GRIN3A: variants seen among roughly 807,000 people sequenced by gnomAD.
GRIN3A encodes the protein glutamate ionotropic receptor NMDA type subunit 3A.
Under a neutral mutation model 92.4 loss-of-function variants are expected in GRIN3A, and 47 were observed. That is an observed-to-expected ratio of 0.51 (90% confidence interval 0.40 to 0.65). The LOEUF (loss-of-function observed/expected upper bound fraction) is 0.65. Ranked by LOEUF, GRIN3A falls within the 30% of genes least tolerant of loss-of-function variation. The pLI is 0.00. For missense variants in GRIN3A, 1,324 were observed against 1,393.1 expected, an observed-to-expected ratio of 0.95 and a Z score of 0.79; for synonymous variants, 527 against 540.6, an observed-to-expected ratio of 0.97 and a Z score of 0.35.
At chr9:101,679,473 G>A (rs74887116) in intron 2 of GRIN3A, among the ~76,000 whole-genome samples, 4 of 151,976 alleles carry the variant, frequency 2.6e-5, no homozygotes, top group African/African-American at 4.8e-5. Context: ...CCCCGACCCC[G>A]CCCCGCAGTG....
At chr9:101,593,059 T>C (rs1409624736) in intron 6 of GRIN3A, 2 of 152,256 alleles carry the variant, frequency 1.3e-5, no homozygotes, top group Non-Finnish European at 2.9e-5. Context: ...CAATAGTATG[T>C]GGGACACCTC....
At chr9:101,623,533 C>T (rs1828586985) in intron 4 of GRIN3A, 100 bp from the exon 5 acceptor site, 1 of 804,222 alleles carries the variant, frequency 1.2e-6, no homozygotes, top group Admixed American at 1.9e-5. Context: ...AGAACCCGAA[C>T]ACTAAGGGCC....
At chr9:101,607,085 A>G (rs959242504) in intron 6 of GRIN3A, among the ~76,000 whole-genome samples, 1 of 151,698 alleles carries the variant, frequency 6.6e-6, no homozygotes, top group Admixed American at 6.6e-5. Context: ...AAATTGCCAG[A>G]GTCTGGTCGG....
chr9:101,723,033 C>T (rs1202745253), intron 1 of GRIN3A, among the ~76,000 whole-genome samples: 1 of 152,146 alleles, frequency 6.6e-6, no homozygotes, highest in Admixed American at 6.5e-5. Flanking sequence ...TGAATTGTAT[C>T]TTCCTGGATT....
intron 3 of GRIN3A, among the ~76,000 whole-genome samples, chr9:101,647,117 TA>T (rs1419373302): frequency 6.6e-6 from 1 of 152,058 alleles, no homozygotes; most frequent in Non-Finnish European, 1.5e-5. Flanking sequence ...TTCAGTATGA[TA>T]CTAGCTGCGA....
In GRIN3A at chr9:101,737,502, C is replaced by G. The variant is rs142779054; in HGVS notation, c.478G>C (p.Asp160His). The G allele has an allele frequency of 1.9e-6, 3 of 1,614,134 alleles. No individual in the cohort carries two copies. The highest frequency in any genetic ancestry group is 3.3e-5 in the Admixed American group (2 of 60,018). The change falls in exon 1 of 9, where the codon GAT becomes CAT. Residue 160 changes from aspartate to histidine, a missense_variant. Asp to His is a moderately conservative substitution (Grantham distance 81). Coordinates refer to ENST00000361820, the MANE Select transcript of GRIN3A (RefSeq NM_133445.3). ...GAGGAGAAGGGCAAAAGTGGCAGAT[C>G]GCCCAGGCCTGCCTCGATGGCCATC... ...VVMAIEAGLG[D>H]LPLLPFSSPS...
At chr9:101,724,480 C>T (rs1234151737) in intron 1 of GRIN3A, among the ~76,000 whole-genome samples, 1 of 152,148 alleles carries the variant, frequency 6.6e-6, no homozygotes, top group Admixed American at 6.5e-5. Context: ...GGTTCCCGCT[C>T]GCGCCTCTCC....
chr9:101,732,917 GAT>G (rs1331508580), intron 1 of GRIN3A, among the ~76,000 whole-genome samples: 1 of 152,166 alleles, frequency 6.6e-6, no homozygotes, highest in East Asian at 1.9e-4. Flanking sequence ...GCTAGTGAGA[GAT>G]AGATTGGGAA....
intron 8 of GRIN3A, among the ~76,000 whole-genome samples, chr9:101,573,965 TGG>T (rs1827794956): frequency 1.3e-5 from 2 of 152,060 alleles, no homozygotes; most frequent in South Asian, 4.2e-4. Flanking sequence ...TCTCATAACA[TGG>T]CTCATCCTTA....
intron 2 of GRIN3A, among the ~76,000 whole-genome samples, chr9:101,671,900 C>CTATATATA (rs1829332054): frequency 1.3e-5 from 2 of 152,154 alleles, no homozygotes; most frequent in Admixed American, 6.5e-5. Flanking sequence ...ATAGTGATTC[C>CTATATATA]TAACCCTGTG....
intron 1 of GRIN3A, among the ~76,000 whole-genome samples, chr9:101,715,071 A>G (rs941119712): frequency 6.6e-6 from 1 of 152,110 alleles, no homozygotes; most frequent in Admixed American, 6.5e-5. Context: ...TCATATACTC[A>G]ATATGAAAAG....
intron 6 of GRIN3A, among the ~76,000 whole-genome samples, chr9:101,610,961 G>A (rs1828359919): frequency 6.6e-6 from 1 of 152,028 alleles, no homozygotes; most frequent in African/African-American, 2.4e-5. Context: ...AGCCACGTGT[G>A]GTAGTGGGCA....
At chr9:101,644,562 T>G (rs1425980867) in intron 3 of GRIN3A, among the ~76,000 whole-genome samples, 2 of 151,778 alleles carry the variant, frequency 1.3e-5, no homozygotes, top group African/African-American at 2.4e-5. Context: ...ATGTTTGAAC[T>G]GTTGAAATGG....
intron 1 of GRIN3A, among the ~76,000 whole-genome samples, chr9:101,720,376 A>G (rs890133612): frequency 1.3e-5 from 2 of 152,356 alleles, no homozygotes; most frequent in East Asian, 3.9e-4. Flanking sequence ...CAGTTTAATG[A>G]ATGACTATTT....
At chr9:101,574,928 C>G (rs980414463) in intron 8 of GRIN3A, among the ~76,000 whole-genome samples, 5 of 152,236 alleles carry the variant, frequency 3.3e-5, no homozygotes, top group African/African-American at 1.2e-4. Flanking sequence ...ATAGACCAGA[C>G]AGCCCTTAGC....
At chr9:101,608,015 T>C (rs1828309117) in intron 6 of GRIN3A, among the ~76,000 whole-genome samples, 2 of 152,182 alleles carry the variant, frequency 1.3e-5, no homozygotes, top group African/African-American at 4.8e-5. Flanking sequence ...CTTAGGTTGT[T>C]CAAAACAAAA....
rs368033864 is a variant in GRIN3A, at chr9:101,610,402, C to G, written c.2766+2974G>C. 1.1e-4 allele frequency among the ~76,000 whole-genome samples: 16 copies of G among 152,316 alleles called. No homozygotes were observed. In the East Asian group the frequency reaches 3.1e-3, roughly 29 times the overall value. ...CTTGTAAACATTGCTAACTCTCTTACTCAATGCCATTTTTCAAAAAGAATT... is the reference window on the plus strand; with the variant it reads ...CTTGTAAACATTGCTAACTCTCTTAGTCAATGCCATTTTTCAAAAAGAATT... On this transcript the variant is annotated intron_variant, in intron 6 of 8. Coordinates refer to ENST00000361820, the MANE Select transcript of GRIN3A (RefSeq NM_133445.3).
intron 1 of GRIN3A, among the ~76,000 whole-genome samples, chr9:101,696,326 A>C (rs746000895): frequency 6.6e-6 from 1 of 152,236 alleles, no homozygotes; most frequent in African/African-American, 2.4e-5. Context: ...TTTCCTGGAC[A>C]GTAGGAATAG....
At chr9:101,623,022 A>ACACACACACACACACACAC (rs56333251) in intron 5 of GRIN3A, among the ~76,000 whole-genome samples, 1 of 149,850 alleles carries the variant, frequency 6.7e-6, no homozygotes, top group African/African-American at 2.5e-5. Context: ...ACACACACAC[A>ACACACACACACACACACAC]ATACAGATTA....
Sources: gnomAD v4.1 joint callset for allele counts (sites outside exome capture counted in the v4.1 genomes callset) on GRCh38, gnomAD v4.1.1 for gene constraint, MANE v1.5 for transcripts, NCBI Gene and HGNC (gene_info 2026-07-23, HGNC 2026-07-21) for gene names.